SCEL: variants seen among roughly 807,000 people sequenced by gnomAD.
The protein encoded by SCEL is sciellin.
Under a neutral mutation model 117.6 loss-of-function variants are expected in SCEL, and 113 were observed. The observed-to-expected ratio is 0.96, with a 90% CI of 0.83 to 1.12. The LOEUF is 1.12. Among genes scored for constraint, SCEL ranks in the 50% most tolerant of loss-of-function variants. SCEL has a pLI of 0.00. For missense variants in SCEL, 785 were observed against 810.8 expected, an observed-to-expected ratio of 0.97 and a Z score of 0.39; for synonymous variants, 270 against 256.2, an observed-to-expected ratio of 1.05 and a Z score of -0.51.
chr13:77,589,032 G>T (rs2086718751), intron 9 of SCEL, 112 bp from the exon 10 acceptor site: 3 of 751,330 alleles, frequency 4.0e-6, no homozygotes, highest in South Asian at 1.8e-5. Flanking sequence ...ACACATGGGG[G>T]TTGTAAGATG....
intron 1 of SCEL, among the ~76,000 whole-genome samples, chr13:77,542,931 GA>G (rs1206858955): frequency 6.6e-6 from 1 of 151,948 alleles, no homozygotes; most frequent in African/African-American, 2.4e-5. Flanking sequence ...TGATTTCCGG[GA>G]AACAAGTAGT....
chr13:77,583,339 T>C (rs545507116), intron 9 of SCEL, among the ~76,000 whole-genome samples: 3 of 152,252 alleles, frequency 2.0e-5, no homozygotes, highest in Admixed American at 6.5e-5. Flanking sequence ...AGAATTCTAG[T>C]CCAGTGCAAG....
In SCEL at chr13:77,618,022, T is replaced by C; in HGVS notation, c.1590T>C (p.Leu530=). 1 of 1,613,302 alleles carries C rather than the reference T, an allele frequency of 6.2e-7. No individual in the cohort carries two copies. Among genetic ancestry groups the C allele is most frequent in the Non-Finnish European group, 8.5e-7 (1 of 1,179,312 alleles). Residue 530 remains leucine (L), a synonymous_variant, in exon 27 of 33, where the codon CTT becomes CTC. Transcript: ENST00000349847. ...TAAACAGCCAAGACTTGGACAATCT[T>C]ATTAAAGTGAAACCTTCAGCTCTTA... The part of the protein sequence containing the change: ...RNNQSQDLDN[L]IKVKPSALRN...
At chr13:77,572,030 C>A in intron 8 of SCEL, 94 bp from the exon 9 acceptor site, 1 of 1,028,756 alleles carries the variant, frequency 9.7e-7, no homozygotes, top group Non-Finnish European at 1.5e-6. Flanking sequence ...TTGGTATAAT[C>A]TCATTGTCTT....
At chr13:77,559,759 T>G in intron 3 of SCEL, 45 bp from the exon 4 acceptor site, 1 of 1,562,320 alleles carries the variant, frequency 6.4e-7, no homozygotes, top group East Asian at 2.2e-5. Flanking sequence ...TTGGTCAACA[T>G]TGTGGTAACT....
intron 28 of SCEL, among the ~76,000 whole-genome samples, chr13:77,632,075 G>T (rs1030134562): frequency 2.6e-5 from 4 of 152,174 alleles, no homozygotes; most frequent in Admixed American, 6.5e-5. Flanking sequence ...CCAGTTCTGT[G>T]GCATTAAGGC....
At position 77,535,801 on chromosome 13, in the gene SCEL, G is replaced by T. The variant is rs946860265; in HGVS notation, c.-43G>T. On this transcript the variant is annotated 5_prime_UTR_variant, in exon 1 of 33. Transcript: ENST00000349847. ...TCACTACAGGCTGGTTAGCCAAAAA[G>T]TCCTGATTTTCTGCTCAATAGAGGT... The T allele has an allele frequency of 6.6e-6, 1 of 152,194 alleles. No individual in the cohort carries two copies. Among genetic ancestry groups the T allele is most frequent in the Non-Finnish European group, 1.5e-5 (1 of 68,036 alleles). The allele number at this position is 152,194 out of a possible 1,614,324, so 9.4% of individuals were successfully genotyped here.
intron 1 of SCEL, among the ~76,000 whole-genome samples, chr13:77,541,718 T>C (rs959797057): frequency 6.6e-6 from 1 of 152,234 alleles, no homozygotes. Context: ...TTTTTTTTCC[T>C]TTCTTTATGC....
At chr13:77,552,949 C>A (rs2084425961) in intron 1 of SCEL, among the ~76,000 whole-genome samples, 1 of 152,132 alleles carries the variant, frequency 6.6e-6, no homozygotes, top group Non-Finnish European at 1.5e-5. Flanking sequence ...TTCCCAGCAC[C>A]ATTTATTAAA....
intron 12 of SCEL, among the ~76,000 whole-genome samples, chr13:77,595,495 G>T (rs534048133): frequency 6.6e-6 from 1 of 152,220 alleles, no homozygotes; most frequent in African/African-American, 2.4e-5. Flanking sequence ...TATTTAATTT[G>T]CCACAGAGTG....
intron 3 of SCEL, among the ~76,000 whole-genome samples, chr13:77,557,046 T>TGATC (rs1247979471): frequency 1.3e-5 from 2 of 152,220 alleles, no homozygotes; most frequent in Non-Finnish European, 2.9e-5. Context: ...AGTTAATCCA[T>TGATC]GATCGGACAA....
rs186059539 is a variant in SCEL, at chr13:77,556,134, T to C, written c.43+216T>C. On this transcript the variant is annotated intron_variant, in intron 2 of 32. Transcript: ENST00000349847. ...TTTTAAAATTAATAAAAATATCTTTTTAAAAATATGACCTTCTTTGTGTTT... is the reference window on the plus strand; with the variant it reads ...TTTTAAAATTAATAAAAATATCTTTCTAAAAATATGACCTTCTTTGTGTTT... Among the ~76,000 whole-genome samples the C allele has an allele frequency of 9.3e-4, 141 of 152,348 alleles. 1 individual carries two copies. The highest frequency in any genetic ancestry group is 3.3e-3 in the African/African-American group (137 of 41,578).
At chr13:77,581,663 C>T (rs760623482) in intron 9 of SCEL, among the ~76,000 whole-genome samples, 6 of 152,156 alleles carry the variant, frequency 3.9e-5, no homozygotes, top group Non-Finnish European at 8.8e-5. Context: ...AAAACGTCAC[C>T]TTGCTCCAAT....
chr13:77,555,799 CACTT>C, intron 1 of SCEL, 54 bp from the exon 2 acceptor site: 4 of 1,095,484 alleles, frequency 3.7e-6, no homozygotes, highest in South Asian at 1.3e-5. Flanking sequence ...ATGAAACAGT[CACTT>C]ACAGGTTCTC....
intron 1 of SCEL, among the ~76,000 whole-genome samples, chr13:77,546,962 C>T (rs967579145): frequency 1.3e-5 from 2 of 152,212 alleles, no homozygotes; most frequent in African/African-American, 4.8e-5. Context: ...AGGACATATT[C>T]TTCCCAGGGA....
intron 1 of SCEL, among the ~76,000 whole-genome samples, chr13:77,552,265 G>A (rs1032549968): frequency 7.4e-5 from 11 of 148,700 alleles, no homozygotes; most frequent in African/African-American, 2.2e-4. Flanking sequence ...CTGAGGAATC[G>A]CCACACTGAC....
intron 28 of SCEL, among the ~76,000 whole-genome samples, chr13:77,633,664 T>C (rs188664124): frequency 1.1e-3 from 168 of 152,282 alleles, no homozygotes; most frequent in African/African-American, 3.9e-3. Context: ...CCCATTCTTA[T>C]GAAGCCAGGA....
intron 3 of SCEL, among the ~76,000 whole-genome samples, chr13:77,558,819 CAAAAAAAAA>C (rs58052726): frequency 4.5e-5 from 4 of 89,740 alleles, no homozygotes; most frequent in African/African-American, 1.9e-4. Flanking sequence ...CTCTGTCTTA[CAAAAAAAAA>C]AAAAAAAAAA....
At chr13:77,544,165 C>A (rs997035771) in intron 1 of SCEL, among the ~76,000 whole-genome samples, 1 of 152,166 alleles carries the variant, frequency 6.6e-6, no homozygotes, top group Admixed American at 6.5e-5. Flanking sequence ...TATTGTAGGA[C>A]CCCAAATCTC....
Sources: gnomAD v4.1 joint callset for allele counts (sites outside exome capture counted in the v4.1 genomes callset) on GRCh38, gnomAD v4.1.1 for gene constraint, MANE v1.5 for transcripts, NCBI Gene and HGNC (gene_info 2026-07-23, HGNC 2026-07-21) for gene names.